Variants in STXBP3 observed in about 807,000 individuals in gnomAD.
STXBP3 encodes syntaxin-binding protein 3.
Under a neutral mutation model 85.7 loss-of-function variants are expected in STXBP3, and 41 were observed. The observed-to-expected ratio is 0.48, with a 90% CI of 0.37 to 0.62. The LOEUF is 0.62. STXBP3 is among the 20% of genes least tolerant of loss of function. The probability of loss-of-function intolerance (pLI) is 0.00; values close to 1 mark genes in which losing one functional copy is unlikely to be tolerated. For synonymous variants in STXBP3, 229 were observed against 231.7 expected (o/e 0.99, Z 0.10); for missense variants, 563 against 703.1 (o/e 0.80, Z 2.25).
At chr1:108,763,701 G>A (rs193040206) in intron 6 of STXBP3, among the ~76,000 whole-genome samples, 2 of 151,818 alleles carry the variant, frequency 1.3e-5, no homozygotes, top group African/African-American at 2.4e-5. Flanking sequence ...TCAGCCTCCC[G>A]AGTAGCTGGG....
At chr1:108,772,176 A>G (rs1480263439) in intron 6 of STXBP3, among the ~76,000 whole-genome samples, 3 of 128,258 alleles carry the variant, frequency 2.3e-5, no homozygotes, top group African/African-American at 8.5e-5. Context: ...TATGATATCT[A>G]TCTATATATC....
At chr1:108,807,723 T>C (rs1339117690) in intron 18 of STXBP3, among the ~76,000 whole-genome samples, 174 bp downstream of exon 18, 4 of 152,024 alleles carry the variant, frequency 2.6e-5, no homozygotes, top group Admixed American at 1.3e-4. Flanking sequence ...ATTACAGGTG[T>C]CTGCCACCAC....
intron 6 of STXBP3, among the ~76,000 whole-genome samples, chr1:108,771,442 C>CTA (rs377283569): frequency 0.051 from 1,235 of 24,276 alleles, 308 homozygotes; most frequent in African/African-American, 0.18. Flanking sequence ...TGATATATAT[C>CTA]TATATATATC....
intron 3 of STXBP3, among the ~76,000 whole-genome samples, chr1:108,755,642 G>A (rs1662002752): frequency 6.6e-6 from 1 of 151,972 alleles, no homozygotes; most frequent in Non-Finnish European, 1.5e-5. Flanking sequence ...ATTTATCACA[G>A]TATTTTCAGT....
At chr1:108,807,903 A>G (rs2101141970) in intron 18 of STXBP3, among the ~76,000 whole-genome samples, 1 of 152,256 alleles carries the variant, frequency 6.6e-6, no homozygotes, top group South Asian at 2.1e-4. Flanking sequence ...AACAAACTCT[A>G]AATGCAAAAG....
chr1:108,779,453 G>A, intron 9 of STXBP3, 43 bp downstream of exon 9: 3 of 1,551,964 alleles, frequency 1.9e-6, no homozygotes, highest in Non-Finnish European at 1.7e-6. Flanking sequence ...TATACAAACA[G>A]GATAGAATAT....
intron 6 of STXBP3, among the ~76,000 whole-genome samples, chr1:108,760,987 T>C (rs1662126567): frequency 1.3e-5 from 2 of 152,004 alleles, no homozygotes; most frequent in African/African-American, 2.4e-5. Flanking sequence ...CACTGCAACC[T>C]CCATCTCCCA....
At chr1:108,768,987 G>A (rs892468711) in intron 6 of STXBP3, among the ~76,000 whole-genome samples, 13 of 152,144 alleles carry the variant, frequency 8.5e-5, no homozygotes, top group Admixed American at 7.9e-4. Flanking sequence ...AACCCCCTGT[G>A]CAGTTGAAAA....
intron 6 of STXBP3, chr1:108,766,963 A>G (rs1348854722): frequency 7.6e-6 from 4 of 529,562 alleles, no homozygotes; most frequent in African/African-American, 5.8e-5. Context: ...TTATTGATCC[A>G]TACTGTTGCT....
At chr1:108,795,895 C>T (rs558210314) in intron 13 of STXBP3, among the ~76,000 whole-genome samples, 14 of 152,218 alleles carry the variant, frequency 9.2e-5, no homozygotes, top group Non-Finnish European at 1.6e-4. Context: ...GACGGAGTTT[C>T]GCTCTTGTTG....
Position 108,746,802 on chromosome 1 carries a change from T to A in STXBP3, c.49+16T>A. The A allele has an allele frequency of 6.5e-7, 1 of 1,529,118 alleles. No homozygotes were observed. Among genetic ancestry groups the A allele is most frequent in the Non-Finnish European group, 8.8e-7 (1 of 1,138,572 alleles). The allele number at this position is 1,529,118 out of a possible 1,614,324, so 94.7% of individuals were successfully genotyped here. A position where few individuals can be genotyped will look rare whatever the true frequency, so the allele number is the denominator to read the frequency against. ...GTGTGGCAGAGTGAGTGCGGTGGGG[T>A]AGGGGTTGAGAGAGGGAAGGCCGGG... On this transcript the variant is annotated intron_variant, in intron 1 of 18. Transcript: ENST00000370008.
chr1:108,799,054 G>A (rs1663174812), intron 16 of STXBP3, among the ~76,000 whole-genome samples: 1 of 152,130 alleles, frequency 6.6e-6, no homozygotes, highest in African/African-American at 2.4e-5. Flanking sequence ...TTAAAATTAT[G>A]AGCTTAATAA....
chr1:108,805,721 C>T (rs1300519594), intron 17 of STXBP3, among the ~76,000 whole-genome samples: 1 of 152,206 alleles, frequency 6.6e-6, no homozygotes, highest in Admixed American at 6.5e-5. Context: ...CCACGCCCAG[C>T]CAAGAACATT....
At position 108,809,006 on chromosome 1, in the gene STXBP3, T is replaced by A; in HGVS notation, c.*129T>A. On this transcript the variant is annotated 3_prime_UTR_variant, in exon 19 of 19. Transcript: ENST00000370008. The stretch of plus-strand genomic sequence containing the variant: ...ATAATGGCTTTTCAAATACATTTCT[T>A]AAGGAACTGTTTATGATTATTACTG... 1.6e-6 allele frequency: 1 copy of A among 623,316 alleles called. No homozygotes were observed. The highest frequency in any genetic ancestry group is 2.7e-6 in the Non-Finnish European group (1 of 369,558). 38.6% of individuals were successfully genotyped at this position (623,316 alleles called of 1,614,324 possible).
At chr1:108,761,194 C>T (rs1311588118) in intron 6 of STXBP3, among the ~76,000 whole-genome samples, 1 of 152,132 alleles carries the variant, frequency 6.6e-6, no homozygotes, top group Non-Finnish European at 1.5e-5. Context: ...GTGTGAGCCA[C>T]CACGCCCAGC....
In STXBP3 at chr1:108,772,702, G is replaced by C. The variant is rs1378274748; in HGVS notation, c.476G>C (p.Cys159Ser). ...GATGTACCAGATGCATTCTATTACTGTTATAGTCCAGACCCTGGTAATGCA... is the reference window on the plus strand; with the variant it reads ...GATGTACCAGATGCATTCTATTACTCTTATAGTCCAGACCCTGGTAATGCA... ...TLDVPDAFYY[C>S]YSPDPGNAKG... Residue 159 changes from cysteine (C) to serine (S), a missense_variant, in exon 7 of 19, where the codon TGT becomes TCT. By Grantham distance (112) the Cys-to-Ser change is moderately radical. Around this residue, in one of 3 missense-constraint regions of STXBP3, gnomAD observed 494 missense variants for 592.8 expected, o/e 0.83. Coordinates refer to ENST00000370008, the MANE Select transcript of STXBP3 (RefSeq NM_007269.4). The C allele has an allele frequency of 6.3e-7, 1 of 1,585,318 alleles. No individual in the cohort carries two copies. Among genetic ancestry groups the C allele is most frequent in the Non-Finnish European group, 8.6e-7 (1 of 1,164,410 alleles).
intron 1 of STXBP3, among the ~76,000 whole-genome samples, chr1:108,750,090 GTAATGAGATGACT>G (rs1217783741): frequency 6.6e-6 from 1 of 151,960 alleles, no homozygotes; most frequent in Non-Finnish European, 1.5e-5. Flanking sequence ...TTCAAAGACT[GTAATGAGATGACT>G]TCTGCTTGGG....
intron 8 of STXBP3, among the ~76,000 whole-genome samples, chr1:108,776,989 C>A (rs1570761258): frequency 6.6e-6 from 1 of 152,102 alleles, no homozygotes; most frequent in Non-Finnish European, 1.5e-5. Flanking sequence ...TAAATGGCAG[C>A]CATTGTTATC....
intron 16 of STXBP3, among the ~76,000 whole-genome samples, chr1:108,799,250 G>A (rs963425089): frequency 6.6e-6 from 1 of 152,062 alleles, no homozygotes; most frequent in Non-Finnish European, 1.5e-5. Context: ...AAAATCTAAA[G>A]AATTTAGACT....
Sources: allele counts gnomAD v4.1 joint callset (sites outside exome capture counted in the v4.1 genomes callset), GRCh38; gene constraint gnomAD v4.1.1; regional missense constraint gnomAD v4.1.1; transcripts MANE v1.5; gene names NCBI Gene and HGNC (gene_info 2026-07-23, HGNC 2026-07-21).